The following MACROD2 variants were observed in gnomAD, a reference collection of about 807,000 sequenced individuals.
MACROD2 encodes the protein mono-ADP ribosylhydrolase 2.
In MACROD2, 36 loss-of-function variants were observed where a neutral mutation model predicts 70.4. The observed-to-expected ratio is 0.51, with a 90% CI of 0.39 to 0.68. The LOEUF is 0.68. Ranked by LOEUF, MACROD2 falls within the 30% of genes least tolerant of loss-of-function variation. The pLI, the probability that MACROD2 is intolerant of heterozygous loss-of-function variation, is 0.00. For missense variants in MACROD2, 496 were observed against 538.4 expected (o/e 0.92, Z 0.78); for synonymous variants, 172 against 178.8 (o/e 0.96, Z 0.30).
intron 3 of MACROD2, among the ~76,000 whole-genome samples, chr20:14,441,687 A>T (rs140325920): frequency 6.6e-6 from 1 of 152,308 alleles, no homozygotes; most frequent in East Asian, 1.9e-4. Flanking sequence ...GATTTCCAGC[A>T]TAGTTTCTGA....
At chr20:15,549,884 T>C (rs1422466777) in intron 8 of MACROD2, among the ~76,000 whole-genome samples, 1 of 152,192 alleles carries the variant, frequency 6.6e-6, no homozygotes, top group East Asian at 1.9e-4. Flanking sequence ...TATCTGAACA[T>C]TAAGCATTAA....
At chr20:15,929,374 A>G (rs2065538828) in intron 10 of MACROD2, among the ~76,000 whole-genome samples, 1 of 152,186 alleles carries the variant, frequency 6.6e-6, no homozygotes, top group East Asian at 1.9e-4. Flanking sequence ...CCCATGGTCA[A>G]GTCCAACATC....
intron 5 of MACROD2, among the ~76,000 whole-genome samples, chr20:15,130,432 AT>A (rs1304117156): frequency 1.3e-5 from 2 of 151,932 alleles, no homozygotes; most frequent in Admixed American, 1.3e-4. Flanking sequence ...TAGGGGAGAA[AT>A]AAACAAAATA....
chr20:15,337,249 GTGTTT>G (rs1273033901), intron 6 of MACROD2, among the ~76,000 whole-genome samples: 1 of 151,698 alleles, frequency 6.6e-6, no homozygotes, highest in Non-Finnish European at 1.5e-5. Flanking sequence ...AGAACAGTTT[GTGTTT>G]TGTTTTGTTT....
intron 7 of MACROD2, among the ~76,000 whole-genome samples, chr20:15,478,501 C>T (rs1396535174): frequency 1.3e-5 from 2 of 152,084 alleles, no homozygotes; most frequent in African/African-American, 4.8e-5. Context: ...TTACCTGCCA[C>T]CATGTGTAAG....
chr20:15,997,673 G>T (rs895105174), intron 15 of MACROD2, among the ~76,000 whole-genome samples: 1 of 152,002 alleles, frequency 6.6e-6, no homozygotes, highest in Non-Finnish European at 1.5e-5. Flanking sequence ...GATTTGAATG[G>T]CTTTTATTTC....
Position 15,678,962 on chromosome 20 carries a change from T to G in MACROD2, c.645+179115T>G, listed in dbSNP as rs1468936019. ...TTGAAAAGAGATTGCACAGGCTGGG[T>G]GCGGTGGCTCACGCCTGTAATCCCA... On this transcript the variant is annotated intron_variant, in intron 8 of 17. Coordinates refer to ENST00000684519, the MANE Select transcript of MACROD2 (RefSeq NM_001351661.2). Among the ~76,000 whole-genome samples the G allele has an allele frequency of 2.0e-5, 3 of 152,058 alleles. No individual in the cohort carries two copies. The East Asian group carries it at 5.8e-4, about 30-fold the overall frequency.
chr20:15,101,756 T>G (rs2075874785), intron 5 of MACROD2, among the ~76,000 whole-genome samples: 1 of 151,984 alleles, frequency 6.6e-6, no homozygotes, highest in Non-Finnish European at 1.5e-5. Context: ...TTGGAGTAAT[T>G]TATAATCTTA....
chr20:15,284,054 A>T (rs1330921046), intron 6 of MACROD2, among the ~76,000 whole-genome samples: 2 of 152,220 alleles, frequency 1.3e-5, no homozygotes, highest in Non-Finnish European at 2.9e-5. Context: ...ATACTAATAC[A>T]ACACTGAAAA....
intron 5 of MACROD2, among the ~76,000 whole-genome samples, chr20:15,144,600 G>T (rs988879884): frequency 1.3e-5 from 2 of 152,088 alleles, no homozygotes; most frequent in African/African-American, 2.4e-5. Flanking sequence ...TGCAAAAGGT[G>T]GGGAAATCAC....
intron 15 of MACROD2, among the ~76,000 whole-genome samples, chr20:16,000,989 G>A (rs1487587242): frequency 1.3e-5 from 2 of 152,190 alleles, no homozygotes; most frequent in Admixed American, 1.3e-4. Flanking sequence ...GATAGGTTTT[G>A]GATGACATAC....
rs116880680 is a variant in MACROD2 at position 15,632,172 on chromosome 20, A to T, written c.645+132325A>T. On this transcript the variant is annotated intron_variant, in intron 8 of 17. Transcript: ENST00000684519. The stretch of plus-strand genomic sequence containing the variant: ...TTGAGCGAAACTCTTACTCAAAAAA[A>T]AAATAAATAAATAAAAATAAAAATA... Among the ~76,000 whole-genome samples, 443 of 151,838 alleles carry T rather than the reference A, an allele frequency of 2.9e-3. 1 individual carries two copies. The highest frequency in any genetic ancestry group is 7.8e-3 in the Admixed American group (119 of 15,274).
At chr20:15,532,621 T>C (rs1469532394) in intron 8 of MACROD2, among the ~76,000 whole-genome samples, 1 of 132,562 alleles carries the variant, frequency 7.5e-6, no homozygotes. Flanking sequence ...AACTCAATTA[T>C]AAGAACAAAC....
intron 2 of MACROD2, among the ~76,000 whole-genome samples, chr20:14,080,442 CA>C (rs61598345): frequency 2.4e-3 from 156 of 64,070 alleles, no homozygotes; most frequent in Non-Finnish European, 3.8e-3. Context: ...AACCCCGTCT[CA>C]AAAAAAAAAA....
intron 7 of MACROD2, among the ~76,000 whole-genome samples, chr20:15,494,446 G>A (rs2047268772): frequency 6.6e-6 from 1 of 152,034 alleles, no homozygotes; most frequent in African/African-American, 2.4e-5. Flanking sequence ...ACACTCGACT[G>A]GATAAACAGA....
At chr20:15,060,832 C>T (rs924950297) in intron 5 of MACROD2, among the ~76,000 whole-genome samples, 1 of 152,190 alleles carries the variant, frequency 6.6e-6, no homozygotes. Flanking sequence ...GCCAAATATA[C>T]ACTAGCAGTA....
intron 5 of MACROD2, among the ~76,000 whole-genome samples, chr20:15,101,100 C>T (rs407888): frequency 0.33 from 50,655 of 151,852 alleles, 10,447 homozygotes; most frequent in Non-Finnish European, 0.46. Context: ...GAGCATGTTG[C>T]CTGATAGTAA....
intron 5 of MACROD2, among the ~76,000 whole-genome samples, chr20:14,942,763 TGAGCCTAA>T (rs964056037): frequency 5.2e-5 from 6 of 114,340 alleles, no homozygotes; most frequent in African/African-American, 2.5e-4. Flanking sequence ...TTTATGCATA[TGAGCCTAA>T]AAGCCTAAAT....
At position 15,351,146 on chromosome 20, in the gene MACROD2, G is replaced by A. The variant is rs528653695; in HGVS notation, c.541-80259G>A. 1.6e-3 allele frequency among the ~76,000 whole-genome samples: 242 copies of A among 152,160 alleles called. 2 individuals are homozygous for A. The highest frequency in any genetic ancestry group is 3.4e-3 in the Middle Eastern group (1 of 294). ...GGGTGGGGGCAGTGGTACAGGGGAA[G>A]ATGTTAATAAGTTAGGGTTAAGCAA... On this transcript the variant is annotated intron_variant, in intron 6 of 17. Coordinates refer to ENST00000684519, the MANE Select transcript of MACROD2 (RefSeq NM_001351661.2).
Sources: gnomAD v4.1 joint callset for allele counts (sites outside exome capture counted in the v4.1 genomes callset) on GRCh38, gnomAD v4.1.1 for gene constraint, MANE v1.5 for transcripts, NCBI Gene and HGNC (gene_info 2026-07-23, HGNC 2026-07-21) for gene names.